SPAG16: variants seen among roughly 807,000 people sequenced by gnomAD.
The protein encoded by SPAG16 is sperm associated antigen 16.
In SPAG16, 86 loss-of-function variants were observed where a neutral mutation model predicts 80.4. That is an observed-to-expected ratio of 1.07 (90% confidence interval 0.90 to 1.28). The LOEUF is 1.28. SPAG16 is among the 50% of genes most tolerant of loss of function. The pLI is 0.00. For missense variants in SPAG16, 870 were observed against 765.3 expected, an observed-to-expected ratio of 1.14 and a Z score of -1.61; for synonymous variants, 294 against 265.9, an observed-to-expected ratio of 1.11 and a Z score of -1.03.
At chr2:213,887,056 G>A (rs1209188472) in intron 11 of SPAG16, among the ~76,000 whole-genome samples, 1 of 151,864 alleles carries the variant, frequency 6.6e-6, no homozygotes, top group Non-Finnish European at 1.5e-5. Flanking sequence ...TAATATTTTA[G>A]ACCTACATAA....
chr2:213,852,027 C>A (rs2074934251), intron 10 of SPAG16, among the ~76,000 whole-genome samples: 1 of 152,210 alleles, frequency 6.6e-6, no homozygotes, highest in African/African-American at 2.4e-5. Context: ...GATCCACTAT[C>A]TTATTTTGAC....
At chr2:213,617,658 T>TA (rs1559313940) in intron 10 of SPAG16, among the ~76,000 whole-genome samples, 2 of 151,860 alleles carry the variant, frequency 1.3e-5, no homozygotes, top group East Asian at 1.9e-4. Context: ...ATTTTTTTTT[T>TA]AAAAATGAGC....
intron 15 of SPAG16, among the ~76,000 whole-genome samples, chr2:214,260,265 A>C (rs1691042326): frequency 6.6e-6 from 1 of 152,160 alleles, no homozygotes; most frequent in Admixed American, 6.5e-5. Context: ...ATCATCACTA[A>C]ATAACTTATC....
chr2:213,876,880 G>A (rs1359431649), intron 11 of SPAG16, among the ~76,000 whole-genome samples: 1 of 152,120 alleles, frequency 6.6e-6, no homozygotes, highest in Non-Finnish European at 1.5e-5. Context: ...GCTTTAAAGA[G>A]ATTTTACAAG....
Position 213,706,490 on chromosome 2 carries a change from T to G in SPAG16, c.1071-155995T>G, listed in dbSNP as rs553584319. ...GTAAATGTAAATGGAGCAATGAAGATTAATGCAATTCTAAATATTTACCCT... is the reference window on the plus strand; with the variant it reads ...GTAAATGTAAATGGAGCAATGAAGAGTAATGCAATTCTAAATATTTACCCT... On this transcript the variant is annotated intron_variant, in intron 10 of 15. Transcript: ENST00000331683. Among the ~76,000 whole-genome samples, 39 of 152,346 alleles carry G rather than the reference T, an allele frequency of 2.6e-4. No individual in the cohort carries two copies. In the South Asian group the frequency reaches 7.7e-3, roughly 30 times the overall value.
intron 15 of SPAG16, among the ~76,000 whole-genome samples, chr2:214,377,176 C>G (rs1018469886): frequency 6.6e-6 from 1 of 152,140 alleles, no homozygotes. Context: ...GTGAGCAGTT[C>G]ATCTCTTCGG....
chr2:214,092,506 A>AATATATAT lies in SPAG16; in HGVS notation c.1528-15681_1528-15674dup, dbSNP rs59378417. 3.4e-5 allele frequency among the ~76,000 whole-genome samples: 5 copies of AATATATAT among 147,848 alleles called. No homozygotes were observed. The South Asian group carries it at 6.3e-4, about 19-fold the overall frequency. The stretch of plus-strand genomic sequence containing the variant: ...CTGTGTTACTATGAATATATATATA[A>AATATATAT]ATATATATATATATATGGCCCTTTA... On this transcript the variant is annotated intron_variant, in intron 13 of 15. Coordinates refer to ENST00000331683, the MANE Select transcript of SPAG16 (RefSeq NM_024532.5).
At chr2:214,381,188 A>G (rs1236565683) in intron 15 of SPAG16, among the ~76,000 whole-genome samples, 17 of 152,236 alleles carry the variant, frequency 1.1e-4, no homozygotes, top group Admixed American at 1.1e-3. Flanking sequence ...AGTTCAAAGG[A>G]ATGTACAAAG....
intron 5 of SPAG16, among the ~76,000 whole-genome samples, chr2:213,339,099 A>G (rs2064541409): frequency 6.6e-6 from 1 of 152,132 alleles, no homozygotes; most frequent in South Asian, 2.1e-4. Context: ...GCCTCATGTA[A>G]TTTGATCTTC....
chr2:214,127,599 T>A (rs1239547134), intron 14 of SPAG16, among the ~76,000 whole-genome samples: 1 of 151,954 alleles, frequency 6.6e-6, no homozygotes, highest in African/African-American at 2.4e-5. Flanking sequence ...TCTGTAAATA[T>A]TTCCAAAATG....
At chr2:213,549,708 G>A (rs2076727895) in intron 10 of SPAG16, among the ~76,000 whole-genome samples, 1 of 152,136 alleles carries the variant, frequency 6.6e-6, no homozygotes, top group South Asian at 2.1e-4. Flanking sequence ...TTACCTTGCA[G>A]TAGTAGTGTT....
chr2:213,748,934 G>A (rs2067957409), intron 10 of SPAG16, among the ~76,000 whole-genome samples: 1 of 152,120 alleles, frequency 6.6e-6, no homozygotes, highest in Non-Finnish European at 1.5e-5. Flanking sequence ...GGATCATGAG[G>A]TCAGGAGATC....
chr2:213,422,531 G>T, intron 9 of SPAG16: 1 of 477,650 alleles, frequency 2.1e-6, no homozygotes. Flanking sequence ...CAGGCCGAGT[G>T]GGCAGAATGA....
At chr2:213,910,579 C>T (rs1480679762) in intron 11 of SPAG16, among the ~76,000 whole-genome samples, 1 of 32,074 alleles carries the variant, frequency 3.1e-5, no homozygotes, top group Non-Finnish European at 1.2e-4. Flanking sequence ...AGCTCCGCCT[C>T]CCGGGTTCAC....
At chr2:213,957,745 G>A (rs1459601034) in intron 12 of SPAG16, among the ~76,000 whole-genome samples, 1 of 151,916 alleles carries the variant, frequency 6.6e-6, no homozygotes, top group Non-Finnish European at 1.5e-5. Context: ...CTTCCTTTGT[G>A]TGTATTTTAT....
intron 12 of SPAG16, among the ~76,000 whole-genome samples, chr2:213,935,275 T>C (rs1005075062): frequency 6.6e-6 from 1 of 152,144 alleles, no homozygotes; most frequent in Non-Finnish European, 1.5e-5. Context: ...GTTACAGTAT[T>C]TTTGCTTGCC....
chr2:213,919,878 G>C (rs1039624256), intron 11 of SPAG16, among the ~76,000 whole-genome samples: 2 of 152,126 alleles, frequency 1.3e-5, no homozygotes, highest in Admixed American at 6.5e-5. Context: ...ATCTAATACT[G>C]TCAGTAGGGT....
At chr2:213,290,943 A>G (rs547944131) in intron 1 of SPAG16, among the ~76,000 whole-genome samples, 5 of 152,244 alleles carry the variant, frequency 3.3e-5, no homozygotes, top group African/African-American at 4.8e-5. Flanking sequence ...ATATCTCTAC[A>G]CTGCACTATT....
At chr2:214,296,271 A>G (rs1051481052) in intron 15 of SPAG16, among the ~76,000 whole-genome samples, 1 of 152,192 alleles carries the variant, frequency 6.6e-6, no homozygotes, top group Non-Finnish European at 1.5e-5. Flanking sequence ...CATAGTGTAT[A>G]TATGTTTAAT....
Sources: allele counts gnomAD v4.1 joint callset (sites outside exome capture counted in the v4.1 genomes callset), GRCh38; gene constraint gnomAD v4.1.1; transcripts MANE v1.5; gene names NCBI Gene and HGNC (gene_info 2026-07-23, HGNC 2026-07-21).